Variants in ZBTB44 observed in about 807,000 individuals in gnomAD.
The protein encoded by ZBTB44 is zinc finger and BTB domain containing 44, also known as zinc finger and BTB domain-containing protein 44.
ZBTB44 carries 15 observed loss-of-function variants against 54.0 expected under a neutral mutation model. The observed-to-expected ratio is 0.28, with a 90% CI of 0.19 to 0.43. The LOEUF (loss-of-function observed/expected upper bound fraction) is 0.43. ZBTB44 is among the 20% of genes least tolerant of loss of function. The pLI, the probability that ZBTB44 is intolerant of heterozygous loss-of-function variation, is 1.00. For missense variants in ZBTB44, 487 were observed against 707.1 expected, an observed-to-expected ratio of 0.69 and a Z score of 3.53; for synonymous variants, 230 against 250.1, an observed-to-expected ratio of 0.92 and a Z score of 0.76.
intron 2 of ZBTB44, among the ~76,000 whole-genome samples, chr11:130,249,292 T>C (rs544152998): frequency 3.3e-5 from 5 of 152,358 alleles, no homozygotes; most frequent in Non-Finnish European, 7.3e-5. Flanking sequence ...ACTCAGAAGG[T>C]ACCAAGGTGT....
In ZBTB44 at chr11:130,249,926, C is replaced by T. The variant is rs987045604; in HGVS notation, c.1019-10030G>A. 2.0e-5 allele frequency among the ~76,000 whole-genome samples: 3 copies of T among 152,256 alleles called. No individual in the cohort carries two copies. The South Asian group carries it at 6.2e-4, about 32-fold the overall frequency. ...AGAACCATTCACAGAACCTTTGCAGCCCCCTGCAAAGGGGGCTGAAGCCAG... is the reference window on the plus strand; with the variant it reads ...AGAACCATTCACAGAACCTTTGCAGTCCCCTGCAAAGGGGGCTGAAGCCAG... On this transcript the variant is annotated intron_variant, in intron 2 of 7. Transcript: ENST00000357899.
At chr11:130,306,144 T>C (rs1341702253) in intron 1 of ZBTB44, among the ~76,000 whole-genome samples, 1 of 152,216 alleles carries the variant, frequency 6.6e-6, no homozygotes, top group Non-Finnish European at 1.5e-5. Flanking sequence ...GGAACACTTT[T>C]ACACTGCTGG....
In ZBTB44 at chr11:130,269,752, C is replaced by G. The variant is rs372751223; in HGVS notation, c.-56-7823G>C. 5.0e-4 allele frequency among the ~76,000 whole-genome samples: 76 copies of G among 152,286 alleles called. 1 individual carries two copies. The East Asian group carries it at 0.014, about 28-fold the overall frequency. ...CCCATTTACCAGCCAGGCATTAAAT[C>G]TGAGTCAAGTTGTTCACCTCTCTAA... is the stretch of plus-strand genomic sequence containing the variant. On this transcript the variant is annotated intron_variant, in intron 1 of 7. Coordinates refer to ENST00000357899, the MANE Select transcript of ZBTB44 (RefSeq NM_001301098.2).
At chr11:130,237,678 T>C (rs1273737860) in intron 4 of ZBTB44, among the ~76,000 whole-genome samples, 1 of 152,188 alleles carries the variant, frequency 6.6e-6, no homozygotes, top group African/African-American at 2.4e-5. Flanking sequence ...ATTATCACAG[T>C]GTTTTGGGGA....
intron 1 of ZBTB44, among the ~76,000 whole-genome samples, chr11:130,286,185 G>GA (rs1940949713): frequency 1.3e-5 from 2 of 152,138 alleles, no homozygotes; most frequent in East Asian, 1.9e-4. Context: ...TTAAAAAAAT[G>GA]AAAAAATCAC....
At chr11:130,299,125 A>G (rs565412868) in intron 1 of ZBTB44, among the ~76,000 whole-genome samples, 2 of 152,162 alleles carry the variant, frequency 1.3e-5, no homozygotes, top group South Asian at 4.2e-4. Flanking sequence ...TCGTCACCAC[A>G]TTGACATTTA....
At chr11:130,308,538 T>C (rs1942403389) in intron 1 of ZBTB44, among the ~76,000 whole-genome samples, 1 of 152,220 alleles carries the variant, frequency 6.6e-6, no homozygotes, top group Non-Finnish European at 1.5e-5. Context: ...TGTCAAAGTG[T>C]TAATGTGAGA....
chr11:130,246,837 AAAC>A (rs1954667510), intron 2 of ZBTB44, among the ~76,000 whole-genome samples: 1 of 152,192 alleles, frequency 6.6e-6, no homozygotes. Flanking sequence ...CAGTCTCACA[AAAC>A]AACATAAAAT....
chr11:130,233,129 G>A (rs184424056), intron 7 of ZBTB44, 179 bp downstream of exon 7: 18,698 of 578,166 alleles, frequency 0.032, 1,034 homozygotes, highest in African/African-American at 0.18. Context: ...AATATCTCCA[G>A]TATTTTTACT....
chr11:130,307,698 G>A lies in ZBTB44; in HGVS notation c.-57+6677C>T, dbSNP rs569712909. On this transcript the variant is annotated intron_variant, in intron 1 of 7. Transcript: ENST00000357899. ...TTTGAGACAAGAGTCTCATTCTGTC[G>A]CTCAGGCTGGAGGGCAGTGGTGCAA... Among the ~76,000 whole-genome samples the A allele has an allele frequency of 2.5e-4, 38 of 152,112 alleles. No individual in the cohort carries two copies. In the South Asian group the frequency reaches 7.1e-3, roughly 28 times the overall value.
chr11:130,282,777 T>G (rs1940624125), intron 1 of ZBTB44, among the ~76,000 whole-genome samples: 1 of 152,208 alleles, frequency 6.6e-6, no homozygotes, highest in East Asian at 1.9e-4. Flanking sequence ...AATTATCACC[T>G]GTATTTTATT....
chr11:130,307,988 A>T (rs191768662), intron 1 of ZBTB44, among the ~76,000 whole-genome samples: 118 of 152,262 alleles, frequency 7.7e-4, no homozygotes, highest in Non-Finnish European at 1.3e-3. Flanking sequence ...CGCCTCCCAA[A>T]GTACTGGGAT....
intron 1 of ZBTB44, among the ~76,000 whole-genome samples, chr11:130,277,934 C>T (rs1014070557): frequency 2.0e-5 from 3 of 152,160 alleles, no homozygotes; most frequent in Non-Finnish European, 2.9e-5. Context: ...AATATGTTCT[C>T]CCAACGCCTT....
chr11:130,262,131 T>G (rs1242109709), intron 1 of ZBTB44, among the ~76,000 whole-genome samples: 1 of 152,022 alleles, frequency 6.6e-6, no homozygotes, highest in African/African-American at 2.4e-5. Flanking sequence ...TGTGAACCAA[T>G]GTTTTTTTTT....
chr11:130,262,739 GAAA>G (rs112468499), intron 1 of ZBTB44, among the ~76,000 whole-genome samples: 1 of 145,084 alleles, frequency 6.9e-6, no homozygotes, highest in Non-Finnish European at 1.5e-5. Context: ...GAAGTGGAAA[GAAA>G]AAAAAAAAGA....
At position 130,301,847 on chromosome 11, in the gene ZBTB44, G is replaced by A. The variant is rs920553153; in HGVS notation, c.-57+12528C>T. Among the ~76,000 whole-genome samples, 4 of 152,142 alleles carry A rather than the reference G, an allele frequency of 2.6e-5. No individual in the cohort carries two copies. The East Asian group carries it at 5.8e-4, about 22-fold the overall frequency. ...GCAGGCTGCTTGAGCCCAGGAGTTT[G>A]AGACCAGCCAATGCAACATGGCAAA... On this transcript the variant is annotated intron_variant, in intron 1 of 7. Coordinates refer to ENST00000357899, the MANE Select transcript of ZBTB44 (RefSeq NM_001301098.2).
intron 2 of ZBTB44, among the ~76,000 whole-genome samples, chr11:130,259,551 C>A (rs1310865948): frequency 2.6e-5 from 4 of 152,200 alleles, no homozygotes; most frequent in Admixed American, 6.5e-5. Flanking sequence ...TTGGAACCAA[C>A]CCAAATCCCT....
At chr11:130,310,104 T>A (rs2134539756) in intron 1 of ZBTB44, 1 of 152,036 alleles carries the variant, frequency 6.6e-6, no homozygotes, top group Admixed American at 6.6e-5. Flanking sequence ...TCACTTGAGC[T>A]CAGGAGTTTG....
intron 1 of ZBTB44, among the ~76,000 whole-genome samples, chr11:130,313,932 G>A (rs1489538034): frequency 1.0e-5 from 1 of 95,360 alleles, no homozygotes; most frequent in African/African-American, 3.9e-5. Context: ...GTATGTGTGT[G>A]TGTGTTTGTG....
Sources: allele counts gnomAD v4.1 joint callset (sites outside exome capture counted in the v4.1 genomes callset), GRCh38; gene constraint gnomAD v4.1.1; transcripts MANE v1.5; gene names NCBI Gene and HGNC (gene_info 2026-07-23, HGNC 2026-07-21).